Variants in ZNF268 observed in about 807,000 individuals in gnomAD.
ZNF268 encodes the protein zinc finger protein 268.
Under a neutral mutation model 29.3 loss-of-function variants are expected in ZNF268, and 20 were observed. The ratio of observed to expected loss-of-function variants is 0.68; its 90% CI spans 0.48 to 0.99. The LOEUF (loss-of-function observed/expected upper bound fraction) is 0.99, where lower values mean the gene tolerates loss of function less well. Ranked by LOEUF, ZNF268 falls within the 50% of genes least tolerant of loss-of-function variation. ZNF268 has a pLI of 0.00. For synonymous variants in ZNF268, 429 were observed against 376.9 expected (o/e 1.14, Z -1.60); for missense variants, 1,240 against 1,121.6 (o/e 1.11, Z -1.51).
In ZNF268 at chr12:133,211,792, T is replaced by C. The variant is rs1213819108; in HGVS notation, c.*7262T>C. On this transcript the variant is annotated 3_prime_UTR_variant, in exon 6 of 6. Coordinates refer to ENST00000536435, the MANE Select transcript of ZNF268 (RefSeq NM_003415.3). ...GTGCAATGCATAATAGTATAGCCAC[T>C]TTGGAAGATAGTTTGACTTTTCCCC... 6.6e-6 allele frequency: 1 copy of C among 152,234 alleles called. No homozygotes were observed. Among genetic ancestry groups the C allele is most frequent in the African/African-American group, 2.4e-5 (1 of 41,468 alleles). 9.4% of individuals were successfully genotyped at this position (152,234 alleles called of 1,614,324 possible).
chr12:133,210,842 C>T lies in ZNF268; in HGVS notation c.*6312C>T, dbSNP rs1330046355. The T allele has an allele frequency of 4.4e-6, 2 of 455,918 alleles. No homozygotes were observed. Among genetic ancestry groups the T allele is most frequent in the African/African-American group, 4.0e-5 (2 of 50,050 alleles). The allele number at this position is 455,918 out of a possible 1,614,324, so 28.2% of individuals were successfully genotyped here. A position where few individuals can be genotyped will look rare whatever the true frequency, so the allele number is the denominator to read the frequency against. On this transcript the variant is annotated 3_prime_UTR_variant, in exon 6 of 6. Coordinates refer to ENST00000536435, the MANE Select transcript of ZNF268 (RefSeq NM_003415.3). ...AACCCAGAGGTCTGTGAGCAGAATG[C>T]AGGTACTGCAAGCAGGCTAGACAAG...
intron 5 of ZNF268, among the ~76,000 whole-genome samples, chr12:133,201,506 G>A (rs193194145): frequency 6.6e-6 from 1 of 152,180 alleles, no homozygotes; most frequent in African/African-American, 2.4e-5. Context: ...TTTTCCTAAA[G>A]AGAAGTCTGA....
At chr12:133,194,386 A>G (rs970785780) in intron 5 of ZNF268, among the ~76,000 whole-genome samples, 21 of 152,130 alleles carry the variant, frequency 1.4e-4, no homozygotes, top group African/African-American at 4.6e-4. Flanking sequence ...GACTCACTCA[A>G]TCGCCAAGGG....
At chr12:133,189,214 C>CTTTTTTT (rs561890644) in intron 3 of ZNF268, among the ~76,000 whole-genome samples, 2 of 129,862 alleles carry the variant, frequency 1.5e-5, no homozygotes, top group African/African-American at 5.7e-5. Flanking sequence ...GTCTTAATTC[C>CTTTTTTT]TTTTTTTTTT....
In ZNF268 at chr12:133,211,142, A is replaced by G. The variant is rs765112926; in HGVS notation, c.*6612A>G. The G allele has an allele frequency of 7.3e-5, 28 of 382,996 alleles. No individual in the cohort carries two copies. The highest frequency in any genetic ancestry group is 1.3e-4 in the Non-Finnish European group (24 of 189,830). 23.7% of individuals were successfully genotyped at this position (382,996 alleles called of 1,614,324 possible). ...TATATATTTGAAATAATGTATAGCA[A>G]TAATTGGAATTTGTAATGAATAAAA... On this transcript the variant is annotated 3_prime_UTR_variant, in exon 6 of 6. Transcript: ENST00000536435.
Position 133,209,984 on chromosome 12 carries a change from A to G in ZNF268, c.*5454A>G, listed in dbSNP as rs1956954723. 6.6e-6 allele frequency: 1 copy of G among 152,168 alleles called. No homozygotes were observed. The highest frequency in any genetic ancestry group is 6.5e-5 in the Admixed American group (1 of 15,278). 9.4% of individuals were successfully genotyped at this position (152,168 alleles called of 1,614,324 possible). On this transcript the variant is annotated 3_prime_UTR_variant, in exon 6 of 6. Transcript: ENST00000536435. Reference sequence around the variant, plus strand: ...GGGATTTCTCCCCAGAAACAAACCCATATGTATAAAAAGTAGTTGGGCTTG... The same window carrying G: ...GGGATTTCTCCCCAGAAACAAACCCGTATGTATAAAAAGTAGTTGGGCTTG...
chr12:133,187,967 A>G lies in ZNF268; in HGVS notation c.129A>G (p.Gln43=), dbSNP rs368431643. The change falls in exon 3 of 6, where the codon CAA becomes CAG. Residue 43 remains glutamine (Q), a synonymous_variant. Coordinates refer to ENST00000536435, the MANE Select transcript of ZNF268 (RefSeq NM_003415.3). ...SILGQGTPGL[Q]PLPGTPRQKQ... ...TGGGCCAAGGGACTCCTGGTCTGCAACCTCTCCCTGGAACACCCAGGCAGA... is the reference window on the plus strand; with the variant it reads ...TGGGCCAAGGGACTCCTGGTCTGCAGCCTCTCCCTGGAACACCCAGGCAGA... The G allele has an allele frequency of 4.4e-6, 7 of 1,599,276 alleles. No individual in the cohort carries two copies. The highest frequency in any genetic ancestry group is 2.2e-5 in the East Asian group (1 of 44,536).
intron 5 of ZNF268, among the ~76,000 whole-genome samples, chr12:133,199,431 G>A (rs531702522): frequency 4.2e-5 from 5 of 118,394 alleles, no homozygotes; most frequent in South Asian, 2.8e-4. Flanking sequence ...TGCTGGATTC[G>A]GTTTGCCAGT....
rs994925939 is a variant in ZNF268, at chr12:133,181,750, C to T, written c.-53+64C>T. The T allele has an allele frequency of 9.0e-6, 5 of 555,982 alleles. No homozygotes were observed. In the Admixed American group the frequency reaches 9.1e-5, roughly 10 times the overall value. 34.4% of individuals were successfully genotyped at this position (555,982 alleles called of 1,614,324 possible). ...CAGAACTAATCTGCCTTAGCTCTCT[C>T]CTGCTGCTGACCCGGGGCGGTTGCC... On this transcript the variant is annotated intron_variant, in intron 1 of 5. Coordinates refer to ENST00000536435, the MANE Select transcript of ZNF268 (RefSeq NM_003415.3).
rs544507598 is a variant in ZNF268 at position 133,204,735 on chromosome 12, T to A, written c.*205T>A. 6.1e-4 allele frequency: 258 copies of A among 426,234 alleles called. 4 individuals are homozygous for A. The South Asian group carries it at 0.017, about 29-fold the overall frequency. 26.4% of individuals were successfully genotyped at this position (426,234 alleles called of 1,614,324 possible). ...GATAGTAGACAATACACAGGAAAAC[T>A]GAATTTAGTAACCACTCTGAAAATT... is the stretch of plus-strand genomic sequence containing the variant. On this transcript the variant is annotated 3_prime_UTR_variant, in exon 6 of 6. Coordinates refer to ENST00000536435, the MANE Select transcript of ZNF268 (RefSeq NM_003415.3).
Position 133,204,585 on chromosome 12 carries a change from T to C in ZNF268, c.*55T>C. 7.7e-7 allele frequency: 1 copy of C among 1,301,756 alleles called. No individual in the cohort carries two copies. The highest frequency in any genetic ancestry group is 1.0e-6 in the Non-Finnish European group (1 of 976,716). The allele number at this position is 1,301,756 out of a possible 1,614,324, so 80.6% of individuals were successfully genotyped here. On this transcript the variant is annotated 3_prime_UTR_variant, in exon 6 of 6. Transcript: ENST00000536435. ...CACAAGAGATAGAAACAATCATATATAAAGAGAAACTCTGTAAGTGGAATC... is the reference window on the plus strand; with the variant it reads ...CACAAGAGATAGAAACAATCATATACAAAGAGAAACTCTGTAAGTGGAATC...
chr12:133,204,075 A>C lies in ZNF268; in HGVS notation c.2389A>C (p.Ile797Leu), dbSNP rs762236210. The C allele has an allele frequency of 1.3e-6, 2 of 1,554,678 alleles. No homozygotes were observed. The highest frequency in any genetic ancestry group is 2.7e-5 in the African/African-American group (2 of 73,190). The change falls in exon 6 of 6, where the codon ATA becomes CTA. Residue 797 changes from isoleucine (I) to leucine (L), a missense_variant. Ile to Leu is a conservative substitution (Grantham distance 5). Around this residue, in one of 3 missense-constraint regions of ZNF268, gnomAD observed 1,177 missense variants for 1,039.6 expected, o/e 1.13. Coordinates refer to ENST00000536435, the MANE Select transcript of ZNF268 (RefSeq NM_003415.3). ...TTTTAGCAGCAAGTCATACCTAATT[A>C]TACACATGAGAACTCATTCAGGTGA... ...KAFSSKSYLI[I>L]HMRTHSGEKP...
chr12:133,197,908 G>C (rs368092483), intron 5 of ZNF268, among the ~76,000 whole-genome samples: 33,940 of 151,732 alleles, frequency 0.22, 4,575 homozygotes, highest in Non-Finnish European at 0.3. Flanking sequence ...AAATTTGTTT[G>C]AGTTCATTGT....
rs1223672116 is a variant in ZNF268 at position 133,205,144 on chromosome 12, T to TAAAAAAAAAAAAAAAAAAAAAA, written c.*622_*643dup. ...TAACCTCACCTTAGAAGCTTCATTC[T>TAAAAAAAAAAAAAAAAAAAAAA]AAAAAAAAAAAAAAAAAAAAAAAAA... On this transcript the variant is annotated 3_prime_UTR_variant, in exon 6 of 6. Transcript: ENST00000536435. The TAAAAAAAAAAAAAAAAAAAAAA allele has an allele frequency of 1.7e-3, 70 of 42,294 alleles. 9 individuals carry two copies. Among genetic ancestry groups the TAAAAAAAAAAAAAAAAAAAAAA allele is most frequent in the Non-Finnish European group, 2.7e-3 (60 of 22,208 alleles). The allele number at this position is 42,294 out of a possible 1,614,324, so 2.6% of individuals were successfully genotyped here.
intron 2 of ZNF268, among the ~76,000 whole-genome samples, chr12:133,183,725 A>G (rs765782591): frequency 1.3e-5 from 2 of 152,066 alleles, no homozygotes; most frequent in Non-Finnish European, 2.9e-5. Flanking sequence ...CTCTAGGTAG[A>G]GGTTGCAAAT....
chr12:133,200,574 T>C (rs182309891), intron 5 of ZNF268, among the ~76,000 whole-genome samples: 2 of 152,138 alleles, frequency 1.3e-5, no homozygotes, highest in Admixed American at 1.3e-4. Flanking sequence ...TTTCTTTCAT[T>C]ACCCTGGTTA....
intron 1 of ZNF268, 50 bp downstream of exon 1, chr12:133,181,736 T>C: frequency 2.0e-6 from 1 of 507,680 alleles, no homozygotes; most frequent in Non-Finnish European, 3.6e-6. Context: ...AGAACTAATC[T>C]GCCTTAGCTC....
At chr12:133,194,442 G>T (rs1956549734) in intron 5 of ZNF268, among the ~76,000 whole-genome samples, 1 of 152,176 alleles carries the variant, frequency 6.6e-6, no homozygotes. Context: ...CTTCTTTAAT[G>T]GCCCTCAGAT....
At position 133,204,499 on chromosome 12, in the gene ZNF268, A is replaced by C; in HGVS notation, c.2813A>C (p.His938Pro). Residue 938 changes from histidine to proline, a missense_variant, in exon 6 of 6, where the codon CAT becomes CCT. Coordinates refer to ENST00000536435, the MANE Select transcript of ZNF268 (RefSeq NM_003415.3). ...TGTTGGAAGTCACAGCTCATTATGC[A>C]TCAGAGAACTCATGTAGATGACAAA... ...AFCWKSQLIM[H>P]QRTHVDDKH The C allele has an allele frequency of 6.5e-7, 1 of 1,527,990 alleles. No individual in the cohort carries two copies. The highest frequency in any genetic ancestry group is 8.7e-7 in the Non-Finnish European group (1 of 1,143,894). 94.7% of individuals were successfully genotyped at this position (1,527,990 alleles called of 1,614,324 possible).
Sources: allele counts gnomAD v4.1 joint callset (sites outside exome capture counted in the v4.1 genomes callset), GRCh38; gene constraint gnomAD v4.1.1; regional missense constraint gnomAD v4.1.1; transcripts MANE v1.5; gene names NCBI Gene and HGNC (gene_info 2026-07-23, HGNC 2026-07-21).